Variants in AMMECR1 observed in about 807,000 individuals in gnomAD.
AMMECR1 encodes AMMECR nuclear protein 1.
AMMECR1 carries 3 observed loss-of-function variants against 22.5 expected under a neutral mutation model. The observed-to-expected ratio is 0.13, with a 90% CI of 0.06 to 0.35. The LOEUF (loss-of-function observed/expected upper bound fraction) is 0.35, where lower values mean the gene tolerates loss of function less well. Ranked by LOEUF, AMMECR1 falls within the 10% of genes least tolerant of loss-of-function variation. AMMECR1 has a pLI of 1.00. For missense variants in AMMECR1, 235 were observed against 278.7 expected, an observed-to-expected ratio of 0.84 and a Z score of 1.12; for synonymous variants, 130 against 116.7, an observed-to-expected ratio of 1.11 and a Z score of -0.74.
intron 3 of AMMECR1, among the ~76,000 whole-genome samples, chrX:110,204,178 G>A (rs927872135): frequency 9.0e-6 from 1 of 111,531 alleles, no homozygotes; most frequent in African/African-American, 3.3e-5. Context: ...TTCCTGATCA[G>A]TAGCTTTGAA....
At chrX:110,295,196 G>C (rs1046887173) in intron 1 of AMMECR1, among the ~76,000 whole-genome samples, 2 of 111,617 alleles carry the variant, frequency 1.8e-5, no homozygotes, top group Non-Finnish European at 3.8e-5. Flanking sequence ...TCTTGAAATT[G>C]TTCTGAAAGA....
chrX:110,336,720 G>C (rs771346161), intron 2 of AMMECR1, among the ~76,000 whole-genome samples: 2 of 109,934 alleles, frequency 1.8e-5, no homozygotes, highest in South Asian at 8.0e-4. Flanking sequence ...ATCTAATATG[G>C]AGCCCATGAT....
chrX:110,392,344 T>C (rs1028036298), intron 2 of AMMECR1, among the ~76,000 whole-genome samples: 3 of 106,182 alleles, frequency 2.8e-5, no homozygotes, highest in South Asian at 9.3e-4. Context: ...GGTGTAATCA[T>C]GGCTCACTGC....
At chrX:110,200,234 C>A (rs2067390290) in intron 5 of AMMECR1, among the ~76,000 whole-genome samples, 1 of 111,496 alleles carries the variant, frequency 9.0e-6, no homozygotes, top group South Asian at 3.8e-4. Flanking sequence ...GGGAATGGAT[C>A]TCATATTATC....
At chrX:110,276,912 T>C (rs1441866628) in intron 1 of AMMECR1, among the ~76,000 whole-genome samples, 1 of 110,929 alleles carries the variant, frequency 9.0e-6, no homozygotes, top group East Asian at 2.8e-4. Flanking sequence ...TTCAGCAAGA[T>C]TGCAGTTCTG....
chrX:110,247,245 C>T (rs187346584), intron 2 of AMMECR1, among the ~76,000 whole-genome samples: 1 of 112,021 alleles, frequency 8.9e-6, no homozygotes, highest in African/African-American at 3.2e-5. Flanking sequence ...ACATGGGCTG[C>T]GCATGATAGC....
chrX:110,199,486 T>C (rs972306107), intron 5 of AMMECR1, among the ~76,000 whole-genome samples: 1 of 111,109 alleles, frequency 9.0e-6, no homozygotes, highest in Non-Finnish European at 1.9e-5. Context: ...TACATTTTCA[T>C]TGACCTACTA....
intron 2 of AMMECR1, among the ~76,000 whole-genome samples, chrX:110,362,843 G>A (rs530798312): frequency 8.1e-5 from 9 of 111,592 alleles, no homozygotes; most frequent in African/African-American, 2.3e-4. Context: ...CATTCACTAC[G>A]TATGTGGTAT....
intron 2 of AMMECR1, among the ~76,000 whole-genome samples, chrX:110,392,283 T>G (rs1461200497): frequency 9.6e-6 from 1 of 103,814 alleles, no homozygotes; most frequent in Admixed American, 1.0e-4. Flanking sequence ...TTTTTTTTTT[T>G]TTTTTTTTTT....
rs765300699 is a variant in AMMECR1 at position 110,250,735 on chromosome X, T to C, written c.584+13754A>G. 2.1e-4 allele frequency among the ~76,000 whole-genome samples: 23 copies of C among 112,040 alleles called. 1 individual carries two copies. In the South Asian group the frequency reaches 8.6e-3, roughly 42 times the overall value. ...CTTAACTGGAAGTGACTTCCAAGTC[T>C]ACAGAGATGTTCAGATAGAAGCTAG... On this transcript the variant is annotated intron_variant, in intron 2 of 5. Transcript: ENST00000262844.
At chrX:110,404,207 G>A (rs761579637) in intron 2 of AMMECR1, among the ~76,000 whole-genome samples, 37 of 111,759 alleles carry the variant, frequency 3.3e-4, no homozygotes, top group African/African-American at 1.2e-3. Context: ...AGGCTAAATC[G>A]TCCTTATAAT....
intron 2 of AMMECR1, among the ~76,000 whole-genome samples, chrX:110,362,374 G>A (rs2068269732): frequency 8.9e-6 from 1 of 111,876 alleles, no homozygotes; most frequent in Admixed American, 9.5e-5. Flanking sequence ...TAACCCTCCT[G>A]ACTCAGACTC....
At chrX:110,323,192 C>T (rs1298418544) in intron 2 of AMMECR1, among the ~76,000 whole-genome samples, 3 of 112,428 alleles carry the variant, frequency 2.7e-5, no homozygotes, top group South Asian at 3.7e-4. Context: ...CTACACTCTG[C>T]TCTGTGTTTC....
chrX:110,287,784 C>T (rs1034662546), intron 1 of AMMECR1, among the ~76,000 whole-genome samples: 9 of 111,731 alleles, frequency 8.1e-5, no homozygotes, highest in South Asian at 3.8e-4. Context: ...CCCATTCTTT[C>T]GCAATAGAGA....
intron 2 of AMMECR1, among the ~76,000 whole-genome samples, chrX:110,228,031 G>T (rs2067543147): frequency 8.9e-6 from 1 of 111,749 alleles, no homozygotes; most frequent in Admixed American, 9.5e-5. Context: ...CTTTTAAATG[G>T]CATATTTCTC....
chrX:110,334,869 C>T (rs2068135069), intron 2 of AMMECR1, among the ~76,000 whole-genome samples: 2 of 111,504 alleles, frequency 1.8e-5, no homozygotes, highest in Non-Finnish European at 3.8e-5. Flanking sequence ...ATTGCCAGCT[C>T]CTTGGGCAAA....
At chrX:110,242,529 T>A (rs2067638643) in intron 2 of AMMECR1, among the ~76,000 whole-genome samples, 1 of 112,048 alleles carries the variant, frequency 8.9e-6, no homozygotes, top group Non-Finnish European at 1.9e-5. Context: ...GCTGGGTTAA[T>A]CATATTTGTC....
intron 2 of AMMECR1, among the ~76,000 whole-genome samples, chrX:110,387,800 C>T (rs1286651533): frequency 9.1e-6 from 1 of 109,718 alleles, no homozygotes; most frequent in Non-Finnish European, 1.9e-5. Context: ...CTGGCACTTC[C>T]TAATCACTGC....
At position 110,196,376 on chromosome X, in the gene AMMECR1, TC is replaced by T. The variant is rs2067370636; in HGVS notation, c.*2143del. On this transcript the variant is annotated 3_prime_UTR_variant, in exon 6 of 6. Coordinates refer to ENST00000262844, the MANE Select transcript of AMMECR1 (RefSeq NM_015365.3). ...TTTGCTTGTTTTATTTACCTTTTTT[TC>T]CTTTTTTTTGTTTTTTGTTTTGTTT... 1.8e-5 allele frequency: 2 copies of T among 110,022 alleles called. No individual in the cohort carries two copies. Among genetic ancestry groups the T allele is most frequent in the Middle Eastern group, 4.7e-3 (1 of 213 alleles). 9.1% of individuals were successfully genotyped at this position (110,022 alleles called of 1,213,427 possible). A position where few individuals can be genotyped will look rare whatever the true frequency, so the allele number is the denominator to read the frequency against.
Sources: gnomAD v4.1 joint callset for allele counts (sites outside exome capture counted in the v4.1 genomes callset) on GRCh38, gnomAD v4.1.1 for gene constraint, MANE v1.5 for transcripts, NCBI Gene and HGNC (gene_info 2026-07-23, HGNC 2026-07-21) for gene names.